The following ALK variants were observed in gnomAD, a reference collection of about 807,000 sequenced individuals.
The protein encoded by ALK is ALK receptor tyrosine kinase, also known as ALK tyrosine kinase receptor.
A neutral mutation model predicts 163.1 loss-of-function variants in ALK; 74 were observed. The observed-to-expected ratio is 0.45, with a 90% CI of 0.38 to 0.55. The LOEUF (loss-of-function observed/expected upper bound fraction) is 0.55, where lower values mean the gene tolerates loss of function less well. Among genes scored for constraint, ALK ranks in the 20% least tolerant of loss-of-function variants. ALK has a pLI of 0.00. For missense variants in ALK, 2,063 were observed against 2,105.3 expected (o/e 0.98, Z 0.39); for synonymous variants, 960 against 843.2 (o/e 1.14, Z -2.40).
At chr2:29,362,410 A>G (rs1668407764) in intron 5 of ALK, among the ~76,000 whole-genome samples, 1 of 152,206 alleles carries the variant, frequency 6.6e-6, no homozygotes, top group South Asian at 2.1e-4. Flanking sequence ...GCATACAAGG[A>G]GCTGACAGTA....
chr2:29,889,194 T>C (rs1667068668), intron 1 of ALK, among the ~76,000 whole-genome samples: 3 of 152,100 alleles, frequency 2.0e-5, no homozygotes, highest in Admixed American at 2.0e-4. Context: ...TAGAAATAAA[T>C]GTTTCCAGGG....
At chr2:29,573,763 C>T (rs1226215415) in intron 3 of ALK, among the ~76,000 whole-genome samples, 1 of 152,116 alleles carries the variant, frequency 6.6e-6, no homozygotes, top group Non-Finnish European at 1.5e-5. Flanking sequence ...AATAGAACAA[C>T]AAACATGACA....
chr2:29,682,635 G>A (rs115028814), intron 3 of ALK, among the ~76,000 whole-genome samples: 1,723 of 152,244 alleles, frequency 0.011, 31 homozygotes, highest in African/African-American at 0.039. Flanking sequence ...AATACTTTAT[G>A]TTTGCTTAGC....
At chr2:29,497,601 T>C (rs1006167912) in intron 4 of ALK, among the ~76,000 whole-genome samples, 1 of 152,146 alleles carries the variant, frequency 6.6e-6, no homozygotes, top group Non-Finnish European at 1.5e-5. Context: ...CAATGGTAAT[T>C]TGTAAATGTC....
intron 3 of ALK, among the ~76,000 whole-genome samples, chr2:29,577,891 G>A (rs553426965): frequency 2.6e-5 from 4 of 152,250 alleles, no homozygotes; most frequent in Non-Finnish European, 4.4e-5. Flanking sequence ...TTCAATCCTC[G>A]AAGCCAGACT....
Position 29,219,740 on chromosome 2 carries a change from C to T in ALK, c.3645+966G>A, listed in dbSNP as rs111850654. On this transcript the variant is annotated intron_variant, in intron 23 of 28. Coordinates refer to ENST00000389048, the MANE Select transcript of ALK (RefSeq NM_004304.5). ...TTCTAGTCCAATCCTCAGATCTCAC[C>T]TGTGAGGATACCCAGGTTAAAGGTT... 8.8e-3 allele frequency among the ~76,000 whole-genome samples: 1,334 copies of T among 152,282 alleles called. 15 individuals are homozygous for T. Among genetic ancestry groups the T allele is most frequent in the African/African-American group, 0.03 (1,264 of 41,540 alleles).
At chr2:29,690,413 G>A (rs1258672516) in intron 3 of ALK, among the ~76,000 whole-genome samples, 1 of 152,184 alleles carries the variant, frequency 6.6e-6, no homozygotes, top group Non-Finnish European at 1.5e-5. Flanking sequence ...GTGCCCATGA[G>A]TGAGGCCCTG....
intron 4 of ALK, among the ~76,000 whole-genome samples, chr2:29,492,186 G>C (rs764479187): frequency 2.4e-4 from 36 of 152,116 alleles, no homozygotes; most frequent in Non-Finnish European, 4.9e-4. Context: ...CATATTAATT[G>C]ACAACACTAT....
intron 4 of ALK, among the ~76,000 whole-genome samples, chr2:29,468,221 G>A (rs529601089): frequency 6.6e-6 from 1 of 152,180 alleles, no homozygotes; most frequent in Non-Finnish European, 1.5e-5. Flanking sequence ...TAGAGATGGG[G>A]TTTCACCATG....
chr2:29,564,245 A>T (rs1172569259), intron 3 of ALK, among the ~76,000 whole-genome samples: 1 of 152,172 alleles, frequency 6.6e-6, no homozygotes, highest in Non-Finnish European at 1.5e-5. Context: ...CCATGAACAA[A>T]CAATTCTAAC....
chr2:29,805,860 CTCT>C (rs1664596352), intron 1 of ALK, among the ~76,000 whole-genome samples: 1 of 152,188 alleles, frequency 6.6e-6, no homozygotes, highest in African/African-American at 2.4e-5. Flanking sequence ...CCATCCCTGA[CTCT>C]TCATCTCTAT....
chr2:29,288,373 G>A (rs1348404165), intron 9 of ALK, among the ~76,000 whole-genome samples: 1 of 152,154 alleles, frequency 6.6e-6, no homozygotes, highest in Admixed American at 6.5e-5. Context: ...ATCCCTCTCT[G>A]GATGACTGAT....
intron 4 of ALK, among the ~76,000 whole-genome samples, chr2:29,523,170 A>G (rs940248512): frequency 2.6e-5 from 4 of 152,156 alleles, no homozygotes; most frequent in African/African-American, 9.7e-5. Flanking sequence ...ACAGCTCATC[A>G]TCTGTGTCCT....
At chr2:29,445,193 A>T (rs2148085808) in intron 4 of ALK, among the ~76,000 whole-genome samples, 1 of 152,300 alleles carries the variant, frequency 6.6e-6, no homozygotes, top group East Asian at 1.9e-4. Flanking sequence ...GGAAATTAAT[A>T]ATTAGGCAGA....
chr2:29,823,197 G>T (rs776020189), intron 1 of ALK, among the ~76,000 whole-genome samples: 23 of 152,150 alleles, frequency 1.5e-4, no homozygotes, highest in Admixed American at 1.4e-3. Context: ...ATTTGCTCCT[G>T]CTTGCCTTCT....
rs78187888 is a variant in ALK, at chr2:29,868,122, G to A, written c.667+51871C>T. ...AGAGGTAGTGATGAGCAGAAAGGCT[G>A]TAGAGTTGGAGCTGGAAGGCAAGGA... On this transcript the variant is annotated intron_variant, in intron 1 of 28. Transcript: ENST00000389048. 2.6e-3 allele frequency among the ~76,000 whole-genome samples: 401 copies of A among 152,352 alleles called. 3 individuals carry two copies. The highest frequency in any genetic ancestry group is 9.1e-3 in the African/African-American group (379 of 41,574).
At chr2:29,613,253 T>G (rs780412029) in intron 3 of ALK, among the ~76,000 whole-genome samples, 15 of 152,386 alleles carry the variant, frequency 9.8e-5, no homozygotes, top group Non-Finnish European at 1.5e-4. Flanking sequence ...CTAAATTTAG[T>G]GCTCAACTGC....
rs77576350 is a variant in ALK at position 29,588,010 on chromosome 2, A to T, written c.953-55894T>A. On this transcript the variant is annotated intron_variant, in intron 3 of 28. Transcript: ENST00000389048. ...TCAGGAAGCCAGAGAATGCATCATC[A>T]GAGTTTGGGCCAACAGGAATTTCTG... is the stretch of plus-strand genomic sequence containing the variant. Among the ~76,000 whole-genome samples, 10 of 152,092 alleles carry T rather than the reference A, an allele frequency of 6.6e-5. No individual in the cohort carries two copies. The East Asian group carries it at 1.9e-3, about 29-fold the overall frequency.
chr2:29,877,029 G>A (rs1434406453), intron 1 of ALK, among the ~76,000 whole-genome samples: 11 of 152,122 alleles, frequency 7.2e-5, no homozygotes, highest in Admixed American at 7.2e-4. Context: ...CCTCCAAACT[G>A]GAAGAGAGCT....
Sources: gnomAD v4.1 joint callset for allele counts (sites outside exome capture counted in the v4.1 genomes callset) on GRCh38, gnomAD v4.1.1 for gene constraint, MANE v1.5 for transcripts, NCBI Gene and HGNC (gene_info 2026-07-23, HGNC 2026-07-21) for gene names.